Variants in AS3MT observed in about 807,000 individuals in gnomAD.
AS3MT encodes arsenite methyltransferase, also known as S-adenosyl-L-methionine:arsenic(III) methyltransferase.
In AS3MT, 47 loss-of-function variants were observed where a neutral mutation model predicts 45.3. The ratio of observed to expected loss-of-function variants is 1.04; its 90% CI spans 0.82 to 1.32. The LOEUF (loss-of-function observed/expected upper bound fraction) is 1.32, where lower values mean the gene tolerates loss of function less well. Among genes scored for constraint, AS3MT ranks in the 40% most tolerant of loss-of-function variants. AS3MT has a pLI of 0.00. For synonymous variants in AS3MT, 141 were observed against 152.8 expected, an observed-to-expected ratio of 0.92 and a Z score of 0.57; for missense variants, 396 against 451.1, an observed-to-expected ratio of 0.88 and a Z score of 1.11.
intron 10 of AS3MT, among the ~76,000 whole-genome samples, chr10:102,893,105 TA>T (rs1355641191): frequency 6.7e-6 from 1 of 149,950 alleles, no homozygotes; most frequent in East Asian, 1.9e-4. Flanking sequence ...TTCCTTAGCT[TA>T]AAAGGTTTTA....
intron 5 of AS3MT, among the ~76,000 whole-genome samples, chr10:102,874,140 C>G (rs973130289): frequency 4.6e-5 from 7 of 151,986 alleles, no homozygotes; most frequent in African/African-American, 1.7e-4. Flanking sequence ...GTAATCCCAG[C>G]TATTTAGGAG....
intron 10 of AS3MT, among the ~76,000 whole-genome samples, chr10:102,897,261 G>A (rs1845190013): frequency 6.6e-6 from 1 of 151,478 alleles, no homozygotes; most frequent in Non-Finnish European, 1.5e-5. Flanking sequence ...GCGGGTGCCT[G>A]TAGTCCCAGC....
intron 7 of AS3MT, among the ~76,000 whole-genome samples, chr10:102,877,748 C>CTT (rs751685577): frequency 0.082 from 8,612 of 104,886 alleles, 562 homozygotes; most frequent in Middle Eastern, 0.12. Flanking sequence ...GTGATAACTT[C>CTT]TTTTTTTTTT....
At chr10:102,874,491 G>A (rs576868842) in intron 5 of AS3MT, 101 bp from the exon 6 acceptor site, 7 of 814,442 alleles carry the variant, frequency 8.6e-6, no homozygotes, top group African/African-American at 1.7e-5. Flanking sequence ...GAATGGGGTA[G>A]CTTTGACAGA....
At chr10:102,880,230 CA>C (rs1844852172) in intron 9 of AS3MT, among the ~76,000 whole-genome samples, 1 of 152,138 alleles carries the variant, frequency 6.6e-6, no homozygotes, top group African/African-American at 2.4e-5. Context: ...TTTGTTTTCT[CA>C]AAATGGAAAA....
At chr10:102,878,002 C>T (rs11191437) in intron 7 of AS3MT, among the ~76,000 whole-genome samples, 16,448 of 152,026 alleles carry the variant, frequency 0.11, 907 homozygotes, top group Middle Eastern at 0.18. Flanking sequence ...CTGCCCACCT[C>T]GGCCTCCCAA....
intron 9 of AS3MT, among the ~76,000 whole-genome samples, chr10:102,882,091 C>T (rs994441956): frequency 3.3e-5 from 5 of 152,110 alleles, no homozygotes; most frequent in African/African-American, 4.8e-5. Flanking sequence ...AGGTGCCCGC[C>T]ACCACACCCG....
chr10:102,886,269 T>TTTCCTTCA (rs1844952429), intron 9 of AS3MT, among the ~76,000 whole-genome samples: 1 of 150,522 alleles, frequency 6.6e-6, no homozygotes, highest in Admixed American at 6.7e-5. Flanking sequence ...CTGTTCCTTC[T>TTTCCTTCA]TTCCTTCATT....
chr10:102,895,962 G>A (rs546857140), intron 10 of AS3MT, among the ~76,000 whole-genome samples: 4 of 151,962 alleles, frequency 2.6e-5, no homozygotes, highest in Non-Finnish European at 5.9e-5. Flanking sequence ...TTTTAGTAGA[G>A]ACGGGGTTTT....
At chr10:102,882,843 G>A (rs892430293) in intron 9 of AS3MT, among the ~76,000 whole-genome samples, 34 of 151,742 alleles carry the variant, frequency 2.2e-4, no homozygotes, top group Non-Finnish European at 3.7e-4. Context: ...TACCCGCCTC[G>A]GCCTCCCAAA....
At chr10:102,869,656 C>T in intron 1 of AS3MT, 63 bp downstream of exon 1, 3 of 1,589,312 alleles carry the variant, frequency 1.9e-6, no homozygotes, top group East Asian at 2.3e-5. Flanking sequence ...CCCCGCAAGG[C>T]GGGAACGCGA....
intron 9 of AS3MT, among the ~76,000 whole-genome samples, chr10:102,882,887 G>A (rs1414608349): frequency 1.3e-5 from 2 of 151,288 alleles, no homozygotes; most frequent in African/African-American, 2.4e-5. Context: ...CACTGTGCCC[G>A]GCTGCATCTT....
intron 3 of AS3MT, among the ~76,000 whole-genome samples, chr10:102,871,501 C>G (rs1344742733): frequency 7.8e-6 from 1 of 128,140 alleles, no homozygotes; most frequent in Non-Finnish European, 1.6e-5. Flanking sequence ...GAGCTGAGTT[C>G]GAGCCACTGC....
intron 3 of AS3MT, 94 bp from the exon 4 acceptor site, chr10:102,872,354 G>A (rs1273822804): frequency 5.7e-6 from 7 of 1,228,240 alleles, no homozygotes; most frequent in Non-Finnish European, 8.1e-6. Context: ...AGGAAGGAAC[G>A]GAGGGAGGGA....
At chr10:102,885,325 T>G (rs919279095) in intron 9 of AS3MT, among the ~76,000 whole-genome samples, 3 of 151,320 alleles carry the variant, frequency 2.0e-5, no homozygotes, top group African/African-American at 7.3e-5. Flanking sequence ...CCTTCTTTTA[T>G]TTTATTTTAT....
At chr10:102,872,304 A>T (rs564206995) in intron 3 of AS3MT, 144 bp from the exon 4 acceptor site, 5 of 847,366 alleles carry the variant, frequency 5.9e-6, no homozygotes, top group Non-Finnish European at 9.1e-6. Context: ...GAGACTAAAC[A>T]TCAGAAGTAT....
chr10:102,870,345 A>C, intron 3 of AS3MT, 134 bp downstream of exon 3: 2 of 1,175,878 alleles, frequency 1.7e-6, no homozygotes, highest in Non-Finnish European at 2.4e-6. Flanking sequence ...AAAATCCTAA[A>C]TCTCAGCACC....
At chr10:102,897,633 T>C (rs886841568) in intron 10 of AS3MT, among the ~76,000 whole-genome samples, 2 of 151,880 alleles carry the variant, frequency 1.3e-5, no homozygotes, top group African/African-American at 2.4e-5. Context: ...GCCCGGCTCA[T>C]TTTTTGTATT....
intron 3 of AS3MT, among the ~76,000 whole-genome samples, chr10:102,870,745 A>T (rs1451320701): frequency 6.6e-6 from 1 of 152,038 alleles, no homozygotes; most frequent in Non-Finnish European, 1.5e-5. Context: ...CCCAGCCGGC[A>T]GTCACCAATT....
Sources: allele counts gnomAD v4.1 joint callset (sites outside exome capture counted in the v4.1 genomes callset), GRCh38; gene constraint gnomAD v4.1.1; transcripts MANE v1.5; gene names NCBI Gene and HGNC (gene_info 2026-07-23, HGNC 2026-07-21).